The following SYNE1 variants were observed in gnomAD, a reference collection of about 807,000 sequenced individuals.
SYNE1 encodes the protein nesprin-1.
SYNE1 carries 616 observed loss-of-function variants against 1,111.0 expected under a neutral mutation model. The ratio of observed to expected loss-of-function variants is 0.55; its 90% CI spans 0.52 to 0.59. The LOEUF (loss-of-function observed/expected upper bound fraction) is 0.59. Ranked by LOEUF, SYNE1 falls within the 20% of genes least tolerant of loss-of-function variation. The probability of loss-of-function intolerance (pLI) is 0.00; values close to 1 mark genes in which losing one functional copy is unlikely to be tolerated. For missense variants in SYNE1, 10,006 were observed against 10,417.0 expected, an observed-to-expected ratio of 0.96 and a Z score of 1.72; for synonymous variants, 3,855 against 3,825.8, an observed-to-expected ratio of 1.01 and a Z score of -0.28.
chr6:152,401,137 C>T lies in SYNE1; in HGVS notation c.7029+1G>A. 1 of 1,613,870 alleles carries T rather than the reference C, an allele frequency of 6.2e-7. No homozygotes were observed. Among genetic ancestry groups the T allele is most frequent in the South Asian group, 1.1e-5 (1 of 91,076 alleles). The stretch of plus-strand genomic sequence containing the variant: ...GCACTTAATGATAGTTTATTACCTA[C>T]CTTGACTTTTTTCAATGCTTCACAA... On this transcript the variant is annotated splice_donor_variant, in intron 47 of 145. Transcript: ENST00000367255. LOFTEE classifies it high-confidence loss of function.
At position 152,155,019 on chromosome 6, in the gene SYNE1, C is replaced by T; in HGVS notation, c.24002G>A (p.Trp8001Ter). 6.2e-7 allele frequency: 1 copy of T among 1,614,094 alleles called. No homozygotes were observed. Reference sequence around the variant, plus strand: ...TGAATAGTCATCCAGAAATTTCTGCCACAATCGCCACGTCTCTTCGATTCT... The same window carrying T: ...TGAATAGTCATCCAGAAATTTCTGCTACAATCGCCACGTCTCTTCGATTCT... The part of the protein sequence containing the change: ...RLKIEETWRL[W>*]QKFLDDYSRF... Residue 8001 changes from tryptophan (W) to a stop codon, truncating the protein, a stop_gained, in exon 133 of 146, where the codon TGG becomes TAG. Coordinates refer to ENST00000367255, the MANE Select transcript of SYNE1 (RefSeq NM_182961.4). LOFTEE classifies it high-confidence loss of function.
At position 152,413,629 on chromosome 6, in the gene SYNE1, T is replaced by C. The variant is rs537492604; in HGVS notation, c.6051-98A>G. On this transcript the variant is annotated intron_variant, in intron 41 of 145. Transcript: ENST00000367255. ...ATGATGAGTCCATAAAGCACTCATTTAGACAGCTAGAAAAACTTTTAACAC... is the reference window on the plus strand; with the variant it reads ...ATGATGAGTCCATAAAGCACTCATTCAGACAGCTAGAAAAACTTTTAACAC... 71 of 1,184,256 alleles carry C rather than the reference T, an allele frequency of 6.0e-5. No homozygotes were observed. The African/African-American group carries it at 1.0e-3, about 17-fold the overall frequency. The allele number at this position is 1,184,256 out of a possible 1,614,324, so 73.4% of individuals were successfully genotyped here.
Position 152,463,739 on chromosome 6 carries a change from C to T in SYNE1, c.1933-222G>A, listed in dbSNP as rs187445326. Among the ~76,000 whole-genome samples, 576 of 152,046 alleles carry T rather than the reference C, an allele frequency of 3.8e-3. 3 individuals carry two copies. The highest frequency in any genetic ancestry group is 0.013 in the African/African-American group (526 of 41,454). On this transcript the variant is annotated intron_variant, in intron 18 of 145. Coordinates refer to ENST00000367255, the MANE Select transcript of SYNE1 (RefSeq NM_182961.4). ...AGAACAATTGTGCCATATCATTTGC[C>T]GAAGACAAAACAAAACATGATGACC...
intron 17 of SYNE1, 79 bp downstream of exon 17, chr6:152,465,903 T>C: frequency 9.6e-7 from 1 of 1,041,474 alleles, no homozygotes; most frequent in Non-Finnish European, 1.5e-6. Flanking sequence ...ACAGAAAGAA[T>C]GATCTGATCA....
chr6:152,301,850 G>A lies in SYNE1; in HGVS notation c.17541+19C>T. On this transcript the variant is annotated intron_variant, in intron 92 of 145. Coordinates refer to ENST00000367255, the MANE Select transcript of SYNE1 (RefSeq NM_182961.4). ...CTCCAGTCAAAGAGCAAAGCCGCGG[G>A]GACCCACTGGATCCTTACCATGACC... 6.3e-7 allele frequency: 1 copy of A among 1,594,378 alleles called. No homozygotes were observed. The highest frequency in any genetic ancestry group is 2.2e-5 in the East Asian group (1 of 44,540).
chr6:152,142,888 A>G (rs754523658), intron 138 of SYNE1, among the ~76,000 whole-genome samples: 19 of 152,284 alleles, frequency 1.2e-4, no homozygotes, highest in Admixed American at 3.3e-4. Flanking sequence ...GGGGAAATTC[A>G]TTTTTCTTTC....
rs139759551 is a variant in SYNE1 at position 152,481,382 on chromosome 6, T to C, written c.1350+1703A>G. ...ATTAACGTATTTAATTCTCAATAAA[T>C]ATACATTCTACATTTCATTTAAAAT... On this transcript the variant is annotated intron_variant, in intron 14 of 145. Coordinates refer to ENST00000367255, the MANE Select transcript of SYNE1 (RefSeq NM_182961.4). The C allele has an allele frequency of 1.0e-3, 284 of 278,308 alleles. 3 individuals carry two copies. In the Admixed American group the frequency reaches 0.011, roughly 10 times the overall value. 17.2% of individuals were successfully genotyped at this position (278,308 alleles called of 1,614,324 possible). A position where few individuals can be genotyped will look rare whatever the true frequency, so the allele number is the denominator to read the frequency against.
intron 3 of SYNE1, 33 bp from the exon 4 acceptor site, chr6:152,540,054 T>C: frequency 6.3e-7 from 1 of 1,590,992 alleles, no homozygotes; most frequent in Non-Finnish European, 8.6e-7. Flanking sequence ...TTAAATAATG[T>C]AATATTTCAT....
chr6:152,613,582 A>G (rs1049667300), intron 3 of SYNE1, among the ~76,000 whole-genome samples: 2 of 152,094 alleles, frequency 1.3e-5, no homozygotes, highest in African/African-American at 4.8e-5. Flanking sequence ...GCCCAAGGTA[A>G]TTAATAGATT....
At chr6:152,253,743 G>A (rs1344782098) in intron 104 of SYNE1, among the ~76,000 whole-genome samples, 1 of 146,036 alleles carries the variant, frequency 6.8e-6, no homozygotes, top group African/African-American at 2.5e-5. Flanking sequence ...TAGACTACCA[G>A]AAGGCAGTGG....
chr6:152,302,387 A>C, intron 91 of SYNE1: 1 of 448,986 alleles, frequency 2.2e-6, no homozygotes. Context: ...AACATTAGGA[A>C]CTGACAACTC....
intron 3 of SYNE1, among the ~76,000 whole-genome samples, chr6:152,603,887 TGC>T (rs2099603352): frequency 6.8e-6 from 1 of 146,978 alleles, no homozygotes; most frequent in African/African-American, 2.5e-5. Flanking sequence ...TATCTATACA[TGC>T]ATGTATAGAT....
intron 17 of SYNE1, among the ~76,000 whole-genome samples, chr6:152,465,726 G>C (rs946018601): frequency 3.3e-5 from 5 of 150,870 alleles, no homozygotes; most frequent in Non-Finnish European, 4.4e-5. Flanking sequence ...ATGCAATTTA[G>C]AAAATGAATG....
chr6:152,229,233 T>C (rs1024817942), intron 115 of SYNE1, among the ~76,000 whole-genome samples: 11 of 152,194 alleles, frequency 7.2e-5, no homozygotes, highest in Non-Finnish European at 1.3e-4. Context: ...TTTTCAATTG[T>C]TTTTAGGAAA....
intron 93 of SYNE1, among the ~76,000 whole-genome samples, chr6:152,298,814 TG>T (rs2095025008): frequency 6.6e-6 from 1 of 152,194 alleles, no homozygotes; most frequent in South Asian, 2.1e-4. Flanking sequence ...GCCGTAATGA[TG>T]GGGTTGATTT....
At chr6:152,614,628 A>G (rs1226556653) in intron 3 of SYNE1, among the ~76,000 whole-genome samples, 1 of 152,194 alleles carries the variant, frequency 6.6e-6, no homozygotes, top group African/African-American at 2.4e-5. Flanking sequence ...CAATTCCATT[A>G]CTGGGTATAT....
At chr6:152,131,994 C>A in intron 144 of SYNE1, 128 bp downstream of exon 144, 1 of 781,460 alleles carries the variant, frequency 1.3e-6, no homozygotes, top group Non-Finnish European at 2.2e-6. Context: ...TGAGGAAGCG[C>A]GCTACCCTGT....
At chr6:152,608,610 A>C (rs575380079) in intron 3 of SYNE1, among the ~76,000 whole-genome samples, 1 of 152,158 alleles carries the variant, frequency 6.6e-6, no homozygotes, top group South Asian at 2.1e-4. Flanking sequence ...GTACCCGTCA[A>C]TCTTTAGGAA....
Position 152,465,189 on chromosome 6 carries a change from C to T in SYNE1, c.1932+69G>A, listed in dbSNP as rs374726332. ...TAAATATATGCGACCCCCTAGTGAG[C>T]TACGCTGTAAAAGTCTCTCATTTTT... On this transcript the variant is annotated intron_variant, in intron 18 of 145. Coordinates refer to ENST00000367255, the MANE Select transcript of SYNE1 (RefSeq NM_182961.4). The T allele has an allele frequency of 4.4e-4, 671 of 1,531,862 alleles. 10 individuals carry two copies. The South Asian group carries it at 6.6e-3, about 15-fold the overall frequency. The allele number at this position is 1,531,862 out of a possible 1,614,324, so 94.9% of individuals were successfully genotyped here.
Sources: allele counts gnomAD v4.1 joint callset (sites outside exome capture counted in the v4.1 genomes callset), GRCh38; gene constraint gnomAD v4.1.1; transcripts MANE v1.5; gene names NCBI Gene and HGNC (gene_info 2026-07-23, HGNC 2026-07-21).